The following SLC4A4 variants were observed in gnomAD, a reference collection of about 807,000 sequenced individuals.
SLC4A4 encodes electrogenic sodium bicarbonate cotransporter 1.
In SLC4A4, 27 loss-of-function variants were observed where a neutral mutation model predicts 111.5. The ratio of observed to expected loss-of-function variants is 0.24; its 90% CI spans 0.18 to 0.33. The LOEUF (loss-of-function observed/expected upper bound fraction) is 0.33, where lower values mean the gene tolerates loss of function less well. SLC4A4 is among the 10% of genes least tolerant of loss of function. SLC4A4 has a pLI of 1.00. For missense variants in SLC4A4, 909 were observed against 1,315.5 expected (o/e 0.69, Z 4.78); for synonymous variants, 443 against 463.4 (o/e 0.96, Z 0.57).
intron 15 of SLC4A4, among the ~76,000 whole-genome samples, chr4:71,493,872 G>GA (rs531081633): frequency 6.0e-4 from 91 of 151,926 alleles, no homozygotes; most frequent in African/African-American, 2.0e-3. Context: ...AGTATTTCTT[G>GA]AAAAAATAGT....
chr4:71,090,251 A>C (rs1742346261), intron 1 of SLC4A4, among the ~76,000 whole-genome samples: 1 of 152,200 alleles, frequency 6.6e-6, no homozygotes. Context: ...GGAAAAGTGC[A>C]GTATTAGGGT....
chr4:71,515,969 T>A (rs1319097726), intron 16 of SLC4A4, among the ~76,000 whole-genome samples: 1 of 151,896 alleles, frequency 6.6e-6, no homozygotes, highest in Non-Finnish European at 1.5e-5. Context: ...TATTTAAAGT[T>A]ATTATTTATA....
At chr4:71,404,757 T>A (rs971595512) in intron 7 of SLC4A4, among the ~76,000 whole-genome samples, 66 of 152,212 alleles carry the variant, frequency 4.3e-4, no homozygotes, top group African/African-American at 1.5e-3. Context: ...GTACAGTTTT[T>A]AAAACTTTAT....
intron 2 of SLC4A4, among the ~76,000 whole-genome samples, chr4:71,144,930 G>C (rs376385188): frequency 1.3e-5 from 2 of 151,872 alleles, no homozygotes; most frequent in African/African-American, 4.8e-5. Flanking sequence ...CTAATTGAAT[G>C]CCCTTTATTT....
intron 7 of SLC4A4, among the ~76,000 whole-genome samples, chr4:71,409,181 C>T (rs943971482): frequency 1.3e-5 from 2 of 152,064 alleles, no homozygotes; most frequent in African/African-American, 2.4e-5. Context: ...AAACTGGTAC[C>T]AGAAGTGGGG....
chr4:71,314,175 C>T (rs997611243), intron 3 of SLC4A4, among the ~76,000 whole-genome samples: 2 of 152,146 alleles, frequency 1.3e-5, no homozygotes, highest in African/African-American at 4.8e-5. Context: ...AAAAAAAGCT[C>T]ATCATCACTG....
intron 3 of SLC4A4, among the ~76,000 whole-genome samples, chr4:71,273,763 A>T (rs1173945068): frequency 2.0e-5 from 3 of 151,938 alleles, no homozygotes; most frequent in Non-Finnish European, 2.9e-5. Context: ...TCTGAGAAGC[A>T]TATGTGTCAA....
intron 2 of SLC4A4, among the ~76,000 whole-genome samples, chr4:71,111,493 C>T (rs1329566740): frequency 1.4e-5 from 2 of 141,028 alleles, no homozygotes; most frequent in Non-Finnish European, 3.0e-5. Context: ...TCCTGAGTAG[C>T]TGGATTACAG....
At chr4:71,118,900 T>C (rs1578497016) in intron 2 of SLC4A4, among the ~76,000 whole-genome samples, 2 of 152,090 alleles carry the variant, frequency 1.3e-5, no homozygotes, top group South Asian at 2.1e-4. Context: ...TTCAGGGAGG[T>C]GGAATGATTC....
chr4:71,188,061 C>A (rs1271908253), intron 1 of SLC4A4, among the ~76,000 whole-genome samples: 1 of 152,206 alleles, frequency 6.6e-6, no homozygotes, highest in African/African-American at 2.4e-5. Flanking sequence ...CCCTCAGGTA[C>A]TGGGCAGCAT....
intron 15 of SLC4A4, among the ~76,000 whole-genome samples, chr4:71,495,281 G>C (rs1057116023): frequency 1.3e-5 from 2 of 152,020 alleles, no homozygotes; most frequent in African/African-American, 2.4e-5. Flanking sequence ...CAACTTATCT[G>C]TGGGCAACTC....
intron 2 of SLC4A4, among the ~76,000 whole-genome samples, chr4:71,249,465 C>T (rs1720907186): frequency 6.6e-6 from 1 of 152,034 alleles, no homozygotes; most frequent in African/African-American, 2.4e-5. Flanking sequence ...TTATGCTGTG[C>T]TTTTTGAAGG....
chr4:71,418,012 A>C (rs114975099), intron 7 of SLC4A4, among the ~76,000 whole-genome samples: 1 of 152,190 alleles, frequency 6.6e-6, no homozygotes, highest in Non-Finnish European at 1.5e-5. Context: ...AACATAGTAC[A>C]TATGAAAGTG....
chr4:71,319,896 G>A (rs1726984133), intron 3 of SLC4A4, among the ~76,000 whole-genome samples: 1 of 151,938 alleles, frequency 6.6e-6, no homozygotes, highest in Non-Finnish European at 1.5e-5. Context: ...CACTCCACCT[G>A]TGATTACTGT....
intron 1 of SLC4A4, among the ~76,000 whole-genome samples, chr4:71,213,094 G>A (rs1418539008): frequency 6.6e-6 from 1 of 152,192 alleles, no homozygotes; most frequent in Non-Finnish European, 1.5e-5. Flanking sequence ...TACCATCTAG[G>A]TTTGTGTGAG....
At chr4:71,508,713 T>C (rs1045896770) in intron 16 of SLC4A4, among the ~76,000 whole-genome samples, 1 of 152,212 alleles carries the variant, frequency 6.6e-6, no homozygotes, top group Admixed American at 6.5e-5. Context: ...CTACTGAAAC[T>C]ATTCCATAAA....
At chr4:71,176,946 CA>C (rs1745113255) in intron 2 of SLC4A4, among the ~76,000 whole-genome samples, 1 of 152,202 alleles carries the variant, frequency 6.6e-6, no homozygotes, top group African/African-American at 2.4e-5. Flanking sequence ...GGGTTACTCA[CA>C]AAGGGAAGCC....
rs144389483 is a variant in SLC4A4 at position 71,360,870 on chromosome 4, C to T, written c.730+3683C>T. 5.0e-3 allele frequency among the ~76,000 whole-genome samples: 755 copies of T among 151,966 alleles called. 8 individuals are homozygous for T. Among genetic ancestry groups the T allele is most frequent in the African/African-American group, 0.018 (727 of 41,420 alleles). Reference sequence around the variant, plus strand: ...AGACGGGGTTCTTGTCACACGACCACGAAAAATTAGGCTTGCACACAATTT... The same window carrying T: ...AGACGGGGTTCTTGTCACACGACCATGAAAAATTAGGCTTGCACACAATTT... On this transcript the variant is annotated intron_variant, in intron 6 of 25. Coordinates refer to ENST00000264485, the MANE Select transcript of SLC4A4 (RefSeq NM_001098484.3).
chr4:71,568,640 A>G lies in SLC4A4; in HGVS notation c.*889A>G, dbSNP rs1262792667. ...TGTCAATTTTTAAAACTTTTTTTTA[A>G]TTACTGTAAAGAAAATGAATTTTTT... On this transcript the variant is annotated 3_prime_UTR_variant, in exon 26 of 26. Coordinates refer to ENST00000264485, the MANE Select transcript of SLC4A4 (RefSeq NM_001098484.3). The G allele has an allele frequency of 6.6e-6, 1 of 152,064 alleles. No homozygotes were observed. The highest frequency in any genetic ancestry group is 2.0e-4 in the East Asian group (1 of 5,124). 9.4% of individuals were successfully genotyped at this position (152,064 alleles called of 1,614,324 possible).
Sources: allele counts gnomAD v4.1 joint callset (sites outside exome capture counted in the v4.1 genomes callset), GRCh38; gene constraint gnomAD v4.1.1; transcripts MANE v1.5; gene names NCBI Gene and HGNC (gene_info 2026-07-23, HGNC 2026-07-21).